Variants in TLN2 observed in about 807,000 individuals in gnomAD.
TLN2 encodes the protein talin 2.
Under a neutral mutation model 294.7 loss-of-function variants are expected in TLN2, and 118 were observed. That is an observed-to-expected ratio of 0.40 (90% confidence interval 0.34 to 0.47). The LOEUF (loss-of-function observed/expected upper bound fraction) is 0.47, where lower values mean the gene tolerates loss of function less well. Among genes scored for constraint, TLN2 ranks in the 20% least tolerant of loss-of-function variants. The pLI, the probability that TLN2 is intolerant of heterozygous loss-of-function variation, is 0.84. For synonymous variants in TLN2, 1,431 were observed against 1,304.5 expected, an observed-to-expected ratio of 1.10 and a Z score of -2.09; for missense variants, 3,083 against 3,282.2, an observed-to-expected ratio of 0.94 and a Z score of 1.48.
rs1474661306 is a variant in TLN2 at position 62,701,054 on chromosome 15, TC to T, written c.1588-50del. The T allele has an allele frequency of 3.3e-6, 5 of 1,511,022 alleles. No homozygotes were observed. In the African/African-American group the frequency reaches 4.1e-5, roughly 12 times the overall value. The allele number at this position is 1,511,022 out of a possible 1,614,324, so 93.6% of individuals were successfully genotyped here. A position where few individuals can be genotyped will look rare whatever the true frequency, so the allele number is the denominator to read the frequency against. On this transcript the variant is annotated intron_variant, in intron 16 of 58. Coordinates refer to ENST00000636159, the MANE Select transcript of TLN2 (RefSeq NM_015059.3). ...ATTTTATGGCGGGGCTTCTCCGGTCTCCTGGGTAATTCTGTGCTGTGATTGT... is the reference window on the plus strand; with the variant it reads ...ATTTTATGGCGGGGCTTCTCCGGTCTCTGGGTAATTCTGTGCTGTGATTGT...
intron 9 of TLN2, among the ~76,000 whole-genome samples, chr15:62,670,917 C>T (rs1330488701): frequency 6.6e-6 from 1 of 152,166 alleles, no homozygotes; most frequent in Non-Finnish European, 1.5e-5. Context: ...TATGAGGGTT[C>T]CAGTTTCTCT....
At chr15:62,393,021 A>T (rs367919510) in intron 1 of TLN2, among the ~76,000 whole-genome samples, 24 of 152,168 alleles carry the variant, frequency 1.6e-4, no homozygotes, top group African/African-American at 4.1e-4. Flanking sequence ...TGAGCACTAG[A>T]ATAGTGGAAA....
chr15:62,663,014 G>A (rs1372858293), intron 9 of TLN2, among the ~76,000 whole-genome samples: 1 of 151,888 alleles, frequency 6.6e-6, no homozygotes, highest in African/African-American at 2.4e-5. Flanking sequence ...TAGTAGGGAC[G>A]AGGTTTCACT....
chr15:62,447,332 G>A (rs1012114578), intron 1 of TLN2, among the ~76,000 whole-genome samples: 2 of 151,984 alleles, frequency 1.3e-5, no homozygotes, highest in African/African-American at 4.8e-5. Flanking sequence ...AGAACGTCGG[G>A]GTGGGTTGCA....
At chr15:62,486,600 A>G (rs981317606) in intron 1 of TLN2, among the ~76,000 whole-genome samples, 11 of 151,686 alleles carry the variant, frequency 7.3e-5, no homozygotes, top group African/African-American at 2.7e-4. Flanking sequence ...GGCATGCTCT[A>G]TAAATTATGG....
intron 54 of TLN2, chr15:62,832,156 C>G (rs1303539941): frequency 1.4e-5 from 2 of 140,020 alleles, no homozygotes; most frequent in East Asian, 4.3e-4. Context: ...GTAGAAGTGC[C>G]TAACAAAATA....
chr15:62,640,071 C>A, intron 3 of TLN2: 1 of 438,836 alleles, frequency 2.3e-6, no homozygotes, highest in African/African-American at 2.0e-5. Context: ...CCCAGACTGT[C>A]CTGCCGAGCG....
At chr15:62,602,090 G>A (rs941595495) in intron 2 of TLN2, among the ~76,000 whole-genome samples, 1 of 152,194 alleles carries the variant, frequency 6.6e-6, no homozygotes, top group Admixed American at 6.5e-5. Context: ...ATAGAAACAA[G>A]GCATGTTTCT....
At chr15:62,811,403 A>T (rs1020024832) in intron 52 of TLN2, among the ~76,000 whole-genome samples, 1 of 152,232 alleles carries the variant, frequency 6.6e-6, no homozygotes, top group East Asian at 1.9e-4. Flanking sequence ...TTCAGTCTGT[A>T]AGTGTGCCTA....
intron 1 of TLN2, among the ~76,000 whole-genome samples, chr15:62,589,018 A>C (rs1286526985): frequency 6.6e-6 from 1 of 151,888 alleles, no homozygotes; most frequent in East Asian, 1.9e-4. Context: ...CCCAGATTTG[A>C]TTGCACGTAC....
intron 28 of TLN2, among the ~76,000 whole-genome samples, chr15:62,731,941 A>G (rs1056361810): frequency 6.6e-6 from 1 of 152,242 alleles, no homozygotes; most frequent in African/African-American, 2.4e-5. Flanking sequence ...TTTAATGAGC[A>G]CAATAGGAAC....
chr15:62,696,623 G>A (rs189302819), intron 14 of TLN2, among the ~76,000 whole-genome samples: 168 of 152,260 alleles, frequency 1.1e-3, no homozygotes, highest in South Asian at 3.3e-3. Flanking sequence ...CAGGAGAATC[G>A]CTTGAACCCA....
Position 62,698,796 on chromosome 15 carries a change from A to G in TLN2, c.1516A>G (p.Met506Val). The G allele has an allele frequency of 6.2e-7, 1 of 1,612,504 alleles. No homozygotes were observed. Among genetic ancestry groups the G allele is most frequent in the Non-Finnish European group, 8.5e-7 (1 of 1,179,990 alleles). ...CCTGATGGGGACCATCAACACAAGC[A>G]TGCACGCCGTCCAGCAGGCCCAGGA... ...QALMGTINTS[M>V]HAVQQAQDDL... is the part of the protein sequence containing the mutation. The change falls in exon 16 of 59, where the codon ATG becomes GTG. Residue 506 changes from methionine (M) to valine (V), a missense_variant. By Grantham distance (21) the Met-to-Val change is conservative. Transcript: ENST00000636159.
intron 3 of TLN2, among the ~76,000 whole-genome samples, chr15:62,627,775 C>T (rs777107128): frequency 2.4e-4 from 36 of 151,838 alleles, no homozygotes; most frequent in Admixed American, 5.9e-4. Context: ...CTAAATTTTC[C>T]TTTTTTTTCT....
intron 1 of TLN2, among the ~76,000 whole-genome samples, chr15:62,458,198 G>A (rs890455222): frequency 3.9e-5 from 6 of 152,230 alleles, no homozygotes; most frequent in South Asian, 2.1e-4. Flanking sequence ...CTTATGTAGC[G>A]ATGACCAGTG....
chr15:62,504,941 A>G (rs1875503481), intron 1 of TLN2, among the ~76,000 whole-genome samples: 1 of 149,832 alleles, frequency 6.7e-6, no homozygotes, highest in Non-Finnish European at 1.5e-5. Flanking sequence ...ATTAAAAAAC[A>G]GAAACATGTT....
rs754163502 is a variant in TLN2, at chr15:62,716,345, C to T, written c.2649C>T (p.Asn883=). The T allele has an allele frequency of 6.2e-7, 1 of 1,605,608 alleles. No homozygotes were observed. The highest frequency in any genetic ancestry group is 8.5e-7 in the Non-Finnish European group (1 of 1,176,896). Residue 883 remains asparagine, a synonymous_variant, in exon 23 of 59, where the codon AAC becomes AAT. Transcript: ENST00000636159. ...TGCCTTTGCAGGGGGCTGCAGCCAA[C>T]CCAGAGAATGAGGACCAGCAGCAAA... ...MVEAAKGAAA[N]PENEDQQQRL... is the part of the protein sequence containing the mutation.
At chr15:62,770,639 C>G (rs1272737291) in intron 41 of TLN2, among the ~76,000 whole-genome samples, 4 of 152,102 alleles carry the variant, frequency 2.6e-5, no homozygotes, top group African/African-American at 9.7e-5. Context: ...TGTAAGATGT[C>G]TTTAGTTCTT....
chr15:62,713,479 G>A lies in TLN2; in HGVS notation c.2634+1402G>A, dbSNP rs538145173. ...GGATTACCTGAGGTCAGGAGTTCAA[G>A]ACCAGCCTGACCGACATGGCAAAAC... is the stretch of plus-strand genomic sequence containing the variant. On this transcript the variant is annotated intron_variant, in intron 22 of 58. Coordinates refer to ENST00000636159, the MANE Select transcript of TLN2 (RefSeq NM_015059.3). Among the ~76,000 whole-genome samples, 39 of 152,100 alleles carry A rather than the reference G, an allele frequency of 2.6e-4. 1 individual carries two copies. The highest frequency in any genetic ancestry group is 7.0e-4 in the African/African-American group (29 of 41,510).
Sources: allele counts gnomAD v4.1 joint callset (sites outside exome capture counted in the v4.1 genomes callset), GRCh38; gene constraint gnomAD v4.1.1; transcripts MANE v1.5; gene names NCBI Gene and HGNC (gene_info 2026-07-23, HGNC 2026-07-21).